The following NALCN variants were observed in gnomAD, a reference collection of about 807,000 sequenced individuals.
NALCN encodes the protein sodium leak channel, non-selective, also known as sodium leak channel NALCN.
In NALCN, 111 loss-of-function variants were observed where a neutral mutation model predicts 225.3. The ratio of observed to expected loss-of-function variants is 0.49; its 90% confidence interval spans 0.42 to 0.58. The LOEUF is 0.58. Ranked by LOEUF, NALCN falls within the 20% of genes least tolerant of loss-of-function variation. The pLI, the probability that NALCN is intolerant of heterozygous loss-of-function variation, is 0.00. For missense variants in NALCN, 1,378 were observed against 2,202.4 expected, an observed-to-expected ratio of 0.63 and a Z score of 7.49; for synonymous variants, 764 against 769.0, an observed-to-expected ratio of 0.99 and a Z score of 0.11.
At chr13:101,068,166 G>A (rs970598048) in intron 38 of NALCN, 133 bp from the exon 39 acceptor site, 2 of 620,188 alleles carry the variant, frequency 3.2e-6, no homozygotes, top group South Asian at 4.2e-5. Flanking sequence ...AGTGCTTTTA[G>A]TATGGTTTCC....
chr13:101,303,153 A>G (rs1193422042), intron 7 of NALCN, among the ~76,000 whole-genome samples: 1 of 152,158 alleles, frequency 6.6e-6, no homozygotes, highest in Non-Finnish European at 1.5e-5. Flanking sequence ...TGAAGACAGG[A>G]TTGATAACTT....
At chr13:101,251,520 C>T (rs1032987000) in intron 11 of NALCN, among the ~76,000 whole-genome samples, 6 of 151,718 alleles carry the variant, frequency 4.0e-5, no homozygotes, top group Admixed American at 2.0e-4. Context: ...ATCTGGGTGA[C>T]GGACACACAA....
At chr13:101,118,365 G>A (rs904539470) in intron 18 of NALCN, among the ~76,000 whole-genome samples, 2 of 152,038 alleles carry the variant, frequency 1.3e-5, no homozygotes, top group Non-Finnish European at 2.9e-5. Context: ...TAAATCATAT[G>A]CTATCTCAAT....
chr13:101,341,419 C>T (rs938106080), intron 7 of NALCN, among the ~76,000 whole-genome samples: 1 of 152,104 alleles, frequency 6.6e-6, no homozygotes, highest in African/African-American at 2.4e-5. Context: ...GCTAACTTGA[C>T]CTTATTTTTT....
At chr13:101,229,208 G>A (rs1165428892) in intron 13 of NALCN, among the ~76,000 whole-genome samples, 185 bp downstream of exon 13, 3 of 152,028 alleles carry the variant, frequency 2.0e-5, no homozygotes, top group Non-Finnish European at 4.4e-5. Flanking sequence ...TGACAATGCT[G>A]AAAATGGTCT....
At chr13:101,397,502 C>T (rs1027233459) in intron 2 of NALCN, among the ~76,000 whole-genome samples, 65 of 149,974 alleles carry the variant, frequency 4.3e-4, no homozygotes, top group Middle Eastern at 3.8e-3. Flanking sequence ...TATGCATATG[C>T]GACATGTATA....
chr13:101,103,717 A>G (rs1175564291), intron 25 of NALCN, among the ~76,000 whole-genome samples: 1 of 152,176 alleles, frequency 6.6e-6, no homozygotes, highest in African/African-American at 2.4e-5. Context: ...AATGATCACA[A>G]TTCTCCTTGT....
intron 12 of NALCN, among the ~76,000 whole-genome samples, chr13:101,234,074 A>G (rs1485843309): frequency 6.6e-6 from 1 of 152,152 alleles, no homozygotes. Context: ...TCACCTCTTC[A>G]GAGAGGGCTT....
intron 3 of NALCN, among the ~76,000 whole-genome samples, chr13:101,389,302 A>C (rs1177754390): frequency 6.6e-6 from 1 of 152,228 alleles, no homozygotes; most frequent in Admixed American, 6.5e-5. Context: ...CTTAAAATAA[A>C]TGGCAACATT....
At chr13:101,247,870 A>C (rs1594521549) in intron 11 of NALCN, among the ~76,000 whole-genome samples, 1 of 152,102 alleles carries the variant, frequency 6.6e-6, no homozygotes, top group Non-Finnish European at 1.5e-5. Flanking sequence ...TCAGCTATTC[A>C]GTGTTCTCAT....
chr13:101,358,350 GA>G (rs2046124703), intron 6 of NALCN, among the ~76,000 whole-genome samples: 1 of 151,760 alleles, frequency 6.6e-6, no homozygotes, highest in African/African-American at 2.4e-5. Flanking sequence ...AAATTTGCAA[GA>G]AAAAAAGAAA....
At chr13:101,284,615 CTT>C (rs777517875) in intron 9 of NALCN, among the ~76,000 whole-genome samples, 1 of 152,140 alleles carries the variant, frequency 6.6e-6, no homozygotes, top group Non-Finnish European at 1.5e-5. Context: ...GCTTAATACA[CTT>C]TGTGTAATTA....
chr13:101,303,641 T>C (rs2044050558), intron 7 of NALCN, among the ~76,000 whole-genome samples: 1 of 152,140 alleles, frequency 6.6e-6, no homozygotes, highest in African/African-American at 2.4e-5. Context: ...CAAGTACCCA[T>C]TACATAATAG....
intron 31 of NALCN, 126 bp from the exon 32 acceptor site, chr13:101,083,324 T>TA (rs2033760139): frequency 1.3e-6 from 1 of 791,500 alleles, no homozygotes; most frequent in Non-Finnish European, 2.0e-6. Flanking sequence ...TTCCGTCTAT[T>TA]GTGAGGTGTT....
chr13:101,376,641 A>G lies in NALCN; in HGVS notation c.644+59T>C, dbSNP rs116218725. ...TGACATAGAGGTTATTCTTATGAAA[A>G]TTACAGAGATATCTTTGTTAATCAA... On this transcript the variant is annotated intron_variant, in intron 6 of 43. Coordinates refer to ENST00000251127, the MANE Select transcript of NALCN (RefSeq NM_052867.4). 3.3e-4 allele frequency: 509 copies of G among 1,535,882 alleles called. 3 individuals are homozygous for G. The African/African-American group carries it at 6.1e-3, about 18-fold the overall frequency.
rs565543268 is a variant in NALCN at position 101,228,997 on chromosome 13, T to C, written c.1626+396A>G. On this transcript the variant is annotated intron_variant, in intron 13 of 43. Coordinates refer to ENST00000251127, the MANE Select transcript of NALCN (RefSeq NM_052867.4). ...TTTATTTTATTGAAAATCAAAAGCT[T>C]CCTTCTAGATTCTGACTAACATAAC... is the stretch of plus-strand genomic sequence containing the variant. Among the ~76,000 whole-genome samples, 40 of 152,276 alleles carry C rather than the reference T, an allele frequency of 2.6e-4. No individual in the cohort carries two copies. In the South Asian group the frequency reaches 8.1e-3, roughly 31 times the overall value.
intron 18 of NALCN, among the ~76,000 whole-genome samples, chr13:101,123,885 C>A (rs190734521): frequency 6.6e-6 from 1 of 152,256 alleles, no homozygotes; most frequent in Admixed American, 6.5e-5. Flanking sequence ...TATCACTCAC[C>A]GCAGGTTTGC....
chr13:101,246,349 G>GA (rs1448762259), intron 11 of NALCN, among the ~76,000 whole-genome samples: 4 of 151,988 alleles, frequency 2.6e-5, no homozygotes, highest in Non-Finnish European at 5.9e-5. Context: ...GATATCATGA[G>GA]AAAAAAATGC....
intron 35 of NALCN, among the ~76,000 whole-genome samples, chr13:101,075,500 T>C (rs1340332528): frequency 6.6e-6 from 1 of 150,806 alleles, no homozygotes; most frequent in Non-Finnish European, 1.5e-5. Context: ...AACATAAAAA[T>C]TCATTAAAGA....
Sources: gnomAD v4.1 joint callset for allele counts (sites outside exome capture counted in the v4.1 genomes callset) on GRCh38, gnomAD v4.1.1 for gene constraint, MANE v1.5 for transcripts, NCBI Gene and HGNC (gene_info 2026-07-23, HGNC 2026-07-21) for gene names.